Variants in SMAD1 observed in about 807,000 individuals in gnomAD.
SMAD1 encodes MAD, mothers against decapentaplegic homolog 1.
A neutral mutation model predicts 41.6 loss-of-function variants in SMAD1; 6 were observed. The ratio of observed to expected loss-of-function variants is 0.14; its 90% CI spans 0.08 to 0.28. The LOEUF (loss-of-function observed/expected upper bound fraction) is 0.28. SMAD1 is among the 10% of genes least tolerant of loss of function. SMAD1 has a pLI of 1.00. For synonymous variants in SMAD1, 206 were observed against 203.2 expected (o/e 1.01, Z -0.12); for missense variants, 379 against 582.6 (o/e 0.65, Z 3.60).
intron 1 of SMAD1, among the ~76,000 whole-genome samples, chr4:145,498,906 A>G (rs1166052465): frequency 6.6e-6 from 1 of 152,228 alleles, no homozygotes; most frequent in East Asian, 1.9e-4. Flanking sequence ...ATACTTGAAC[A>G]TAGATCTTTG....
intron 1 of SMAD1, among the ~76,000 whole-genome samples, chr4:145,510,984 C>T (rs1730044932): frequency 6.6e-6 from 1 of 152,006 alleles, no homozygotes; most frequent in African/African-American, 2.4e-5. Context: ...ATACCTCTTA[C>T]TTTTGAAGTC....
chr4:145,557,646 G>GT (rs1183744733), intron 6 of SMAD1, 145 bp from the exon 7 acceptor site: 5 of 554,954 alleles, frequency 9.0e-6, no homozygotes, highest in Non-Finnish European at 1.5e-5. Context: ...GTGCATGTGT[G>GT]TTTTTTTCTC....
At chr4:145,534,010 G>A (rs1731470683) in intron 2 of SMAD1, among the ~76,000 whole-genome samples, 1 of 152,078 alleles carries the variant, frequency 6.6e-6, no homozygotes, top group African/African-American at 2.4e-5. Flanking sequence ...CATGAGCATG[G>A]GCCCTAATGC....
chr4:145,548,331 TG>T (rs369833104), intron 5 of SMAD1, among the ~76,000 whole-genome samples: 25 of 152,134 alleles, frequency 1.6e-4, no homozygotes, highest in African/African-American at 6.0e-4. Context: ...CAGGTTCAAG[TG>T]ATTCTTGTGC....
chr4:145,512,730 G>A (rs1384605241), intron 1 of SMAD1, among the ~76,000 whole-genome samples: 1 of 152,102 alleles, frequency 6.6e-6, no homozygotes, highest in East Asian at 1.9e-4. Flanking sequence ...ATTCTGTTTT[G>A]TTTTGATCAT....
intron 3 of SMAD1, 100 bp from the exon 4 acceptor site, chr4:145,542,482 C>A: frequency 1.6e-6 from 1 of 643,338 alleles, no homozygotes; most frequent in Non-Finnish European, 2.6e-6. Flanking sequence ...ATTGAAATGA[C>A]AACTTGATCT....
chr4:145,513,303 C>CT (rs1383865202), intron 1 of SMAD1: 1 of 152,132 alleles, frequency 6.6e-6, no homozygotes, highest in Admixed American at 6.5e-5. Context: ...AAAAGCTGGG[C>CT]TTTTGTTTGT....
intron 2 of SMAD1, among the ~76,000 whole-genome samples, chr4:145,530,976 A>G (rs1578799071): frequency 6.6e-6 from 1 of 152,218 alleles, no homozygotes; most frequent in Admixed American, 6.5e-5. Flanking sequence ...ACTTTTCCCA[A>G]TGGGCAAGGA....
At chr4:145,542,045 A>G (rs1390185920) in intron 3 of SMAD1, among the ~76,000 whole-genome samples, 3 of 152,376 alleles carry the variant, frequency 2.0e-5, no homozygotes, top group Middle Eastern at 3.4e-3. Context: ...GATTATTTAA[A>G]TGAGTAGGGA....
At chr4:145,550,175 G>A (rs1361973284) in intron 5 of SMAD1, among the ~76,000 whole-genome samples, 1 of 152,068 alleles carries the variant, frequency 6.6e-6, no homozygotes, top group African/African-American at 2.4e-5. Context: ...TTGATTGACA[G>A]TATTCTCGGG....
intron 3 of SMAD1, among the ~76,000 whole-genome samples, chr4:145,540,503 C>T (rs991281414): frequency 6.6e-6 from 1 of 152,224 alleles, no homozygotes; most frequent in African/African-American, 2.4e-5. Context: ...ATCCCACCCC[C>T]TACTTAATTA....
chr4:145,531,128 G>C (rs1245273958), intron 2 of SMAD1, among the ~76,000 whole-genome samples: 1 of 152,204 alleles, frequency 6.6e-6, no homozygotes, highest in Non-Finnish European at 1.5e-5. Flanking sequence ...CCACTCAGGG[G>C]TTTAGGCTGT....
At position 145,542,457 on chromosome 4, in the gene SMAD1, T is replaced by G. The variant is rs758161808; in HGVS notation, c.659-125T>G. On this transcript the variant is annotated intron_variant, in intron 3 of 6. Coordinates refer to ENST00000302085, the MANE Select transcript of SMAD1 (RefSeq NM_005900.3). The stretch of plus-strand genomic sequence containing the variant: ...TCAAGGCAGTGCCTGTAGCCTTTAG[T>G]CTTTTAATGGGGAGATTGAAATGAC... The G allele has an allele frequency of 1.2e-4, 71 of 574,446 alleles. 2 individuals carry two copies. Among genetic ancestry groups the G allele is most frequent in the Non-Finnish European group, 1.8e-4 (59 of 324,120 alleles). 35.6% of individuals were successfully genotyped at this position (574,446 alleles called of 1,614,324 possible). A position where few individuals can be genotyped will look rare whatever the true frequency, so the allele number is the denominator to read the frequency against.
intron 5 of SMAD1, among the ~76,000 whole-genome samples, chr4:145,553,498 A>G (rs771724530): frequency 2.8e-4 from 43 of 152,070 alleles, no homozygotes; most frequent in South Asian, 1.0e-3. Flanking sequence ...TCATGCTTCT[A>G]TGAGAATCTA....
intron 2 of SMAD1, among the ~76,000 whole-genome samples, chr4:145,522,400 G>A (rs1463999009): frequency 6.6e-6 from 1 of 152,100 alleles, no homozygotes; most frequent in Non-Finnish European, 1.5e-5. Context: ...TCGGGAGTTC[G>A]AGACCAGCCT....
intron 2 of SMAD1, among the ~76,000 whole-genome samples, chr4:145,532,928 A>G (rs751861338): frequency 1.3e-5 from 2 of 152,254 alleles, no homozygotes; most frequent in Non-Finnish European, 2.9e-5. Flanking sequence ...TTAAACATGA[A>G]TAATTATCTG....
chr4:145,483,373 G>T (rs1450130312), intron 1 of SMAD1, among the ~76,000 whole-genome samples: 1 of 152,126 alleles, frequency 6.6e-6, no homozygotes, highest in African/African-American at 2.4e-5. Context: ...TGCCTGTTGT[G>T]GATAACTTGC....
intron 2 of SMAD1, among the ~76,000 whole-genome samples, chr4:145,519,088 CTTTT>C (rs771498383): frequency 0.013 from 456 of 34,776 alleles, 3 homozygotes; most frequent in African/African-American, 0.04. Flanking sequence ...GTTTGGTTGG[CTTTT>C]TTTTTTTTTT....
intron 1 of SMAD1, among the ~76,000 whole-genome samples, chr4:145,508,576 G>T (rs1729913898): frequency 6.6e-6 from 1 of 151,828 alleles, no homozygotes; most frequent in East Asian, 1.9e-4. Flanking sequence ...CAAAATGTTT[G>T]CTCTATTGTT....
Sources: allele counts gnomAD v4.1 joint callset (sites outside exome capture counted in the v4.1 genomes callset), GRCh38; gene constraint gnomAD v4.1.1; transcripts MANE v1.5; gene names NCBI Gene and HGNC (gene_info 2026-07-23, HGNC 2026-07-21).